Variants in FOCAD observed in about 807,000 individuals in gnomAD.
FOCAD encodes the protein KIAA1797.
In FOCAD, 198 loss-of-function variants were observed where a neutral mutation model predicts 225.6. That is an observed-to-expected ratio of 0.88 (90% CI 0.78 to 0.99). The LOEUF is 0.99. Ranked by LOEUF, FOCAD falls within the 50% of genes least tolerant of loss-of-function variation. FOCAD has a pLI of 0.00. For missense variants in FOCAD, 2,713 were observed against 2,123.6 expected, an observed-to-expected ratio of 1.28 and a Z score of -5.46; for synonymous variants, 897 against 755.0, an observed-to-expected ratio of 1.19 and a Z score of -3.08.
At chr9:20,700,057 C>G (rs933552263) in intron 1 of FOCAD, among the ~76,000 whole-genome samples, 20 of 151,470 alleles carry the variant, frequency 1.3e-4, no homozygotes, top group Middle Eastern at 3.4e-3. Context: ...CAAACGTTAA[C>G]TAATATCTGA....
chr9:20,800,387 G>A (rs560533969), intron 11 of FOCAD, among the ~76,000 whole-genome samples: 1 of 152,182 alleles, frequency 6.6e-6, no homozygotes, highest in Non-Finnish European at 1.5e-5. Flanking sequence ...GAATTTGAAT[G>A]TTGGCCTGCC....
intron 35 of FOCAD, among the ~76,000 whole-genome samples, chr9:20,965,955 A>G (rs1839216225): frequency 6.6e-6 from 1 of 151,790 alleles, no homozygotes; most frequent in African/African-American, 2.4e-5. Flanking sequence ...GGTTGTTTCT[A>G]CCTTTTGGCT....
intron 1 of FOCAD, among the ~76,000 whole-genome samples, chr9:20,706,047 A>G (rs1587279356): frequency 6.9e-6 from 1 of 145,202 alleles, no homozygotes; most frequent in African/African-American, 2.6e-5. Flanking sequence ...TGATCTTCCC[A>G]CCTCAGCCTC....
At chr9:20,920,904 G>T (rs1834359872) in intron 24 of FOCAD, among the ~76,000 whole-genome samples, 1 of 150,874 alleles carries the variant, frequency 6.6e-6, no homozygotes, top group Non-Finnish European at 1.5e-5. Flanking sequence ...CATGGCACAT[G>T]TATACATATG....
At chr9:20,985,466 G>C (rs1841072987) in intron 39 of FOCAD, among the ~76,000 whole-genome samples, 1 of 152,144 alleles carries the variant, frequency 6.6e-6, no homozygotes, top group Non-Finnish European at 1.5e-5. Context: ...ATACTACCAG[G>C]TATTTTTCTT....
At chr9:20,666,611 A>G (rs887724320) in intron 2 of FOCAD, among the ~76,000 whole-genome samples, 4 of 152,192 alleles carry the variant, frequency 2.6e-5, no homozygotes, top group Admixed American at 6.5e-5. Context: ...TTACTCAGAT[A>G]GGTACTTATG....
At position 20,976,549 on chromosome 9, in the gene FOCAD, G is replaced by C; in HGVS notation, c.4261+1G>C. On this transcript the variant is annotated splice_donor_variant, in intron 36 of 43. Transcript: ENST00000338382. LOFTEE classifies it high-confidence loss of function. ...TCTCCACTTATGAGGCTAAATTTTGGTAAATATCATGTGTTTTTAAGTCTT... is the reference window on the plus strand; with the variant it reads ...TCTCCACTTATGAGGCTAAATTTTGCTAAATATCATGTGTTTTTAAGTCTT... The C allele has an allele frequency of 6.2e-7, 1 of 1,612,386 alleles. No homozygotes were observed. Among genetic ancestry groups the C allele is most frequent in the Non-Finnish European group, 8.5e-7 (1 of 1,178,766 alleles).
intron 4 of FOCAD, among the ~76,000 whole-genome samples, chr9:20,726,781 T>A (rs534652732): frequency 9.8e-5 from 15 of 152,320 alleles, no homozygotes; most frequent in African/African-American, 3.6e-4. Context: ...TTGATGACCC[T>A]GTTCCTTGGG....
At chr9:20,669,362 C>A (rs1446236118) in intron 2 of FOCAD, among the ~76,000 whole-genome samples, 1 of 152,132 alleles carries the variant, frequency 6.6e-6, no homozygotes, top group Non-Finnish European at 1.5e-5. Context: ...AAACCAGAAG[C>A]CTGAGAAGCA....
At chr9:20,990,984 G>A (rs1056523781) in intron 42 of FOCAD, among the ~76,000 whole-genome samples, 48 of 152,288 alleles carry the variant, frequency 3.2e-4, no homozygotes, top group Non-Finnish European at 6.5e-4. Context: ...CTTGCCCTCA[G>A]GAAAACCTAA....
intron 5 of FOCAD, among the ~76,000 whole-genome samples, chr9:20,746,835 G>A (rs1320194807): frequency 6.6e-6 from 1 of 152,052 alleles, no homozygotes; most frequent in East Asian, 1.9e-4. Context: ...GCCTTTGGTT[G>A]CCATACCTTT....
At chr9:20,992,511 A>G (rs1324987705) in intron 42 of FOCAD, among the ~76,000 whole-genome samples, 1 of 152,206 alleles carries the variant, frequency 6.6e-6, no homozygotes, top group Non-Finnish European at 1.5e-5. Context: ...AGGGCTCTGA[A>G]GCCAAGTGTA....
At chr9:20,664,778 C>G (rs1432555769) in intron 2 of FOCAD, among the ~76,000 whole-genome samples, 1 of 150,960 alleles carries the variant, frequency 6.6e-6, no homozygotes, top group South Asian at 2.1e-4. Context: ...TGTGCCCGGC[C>G]CAGGGTGATA....
At chr9:20,664,585 G>A (rs762846373) in intron 2 of FOCAD, among the ~76,000 whole-genome samples, 1 of 151,558 alleles carries the variant, frequency 6.6e-6, no homozygotes, top group Non-Finnish European at 1.5e-5. Flanking sequence ...ACCTTATAGT[G>A]GAGAGCTTCA....
chr9:20,709,313 C>T (rs1824645557), intron 1 of FOCAD, among the ~76,000 whole-genome samples: 1 of 152,062 alleles, frequency 6.6e-6, no homozygotes, highest in South Asian at 2.1e-4. Flanking sequence ...CTTTGAAAAT[C>T]AAACATGCAT....
intron 25 of FOCAD, among the ~76,000 whole-genome samples, chr9:20,925,953 T>G (rs75782094): frequency 0.021 from 3,251 of 152,268 alleles, 123 homozygotes; most frequent in African/African-American, 0.073. Context: ...TGAATTATGT[T>G]TTTTGCACAT....
chr9:20,807,802 C>T (rs937157520), intron 11 of FOCAD, among the ~76,000 whole-genome samples: 1 of 152,170 alleles, frequency 6.6e-6, no homozygotes, highest in Non-Finnish European at 1.5e-5. Flanking sequence ...GCAATCCCAG[C>T]ACTTTGGGAG....
At chr9:20,740,195 C>A in intron 4 of FOCAD, 41 bp from the exon 5 acceptor site, 1 of 1,277,772 alleles carries the variant, frequency 7.8e-7, no homozygotes, top group Non-Finnish European at 1.1e-6. Flanking sequence ...AGAATATTCA[C>A]TTTTTATCTA....
At chr9:20,908,966 A>G (rs1833209327) in intron 22 of FOCAD, among the ~76,000 whole-genome samples, 1 of 152,092 alleles carries the variant, frequency 6.6e-6, no homozygotes, top group African/African-American at 2.4e-5. Flanking sequence ...ATTCCAGTAC[A>G]GTATCTTTGA....
Sources: allele counts gnomAD v4.1 joint callset (sites outside exome capture counted in the v4.1 genomes callset), GRCh38; gene constraint gnomAD v4.1.1; transcripts MANE v1.5; gene names NCBI Gene and HGNC (gene_info 2026-07-23, HGNC 2026-07-21).